IQSEC2: variants seen among roughly 807,000 people sequenced by gnomAD.
IQSEC2 encodes IQ motif and Sec7 domain ArfGEF 2.
A neutral mutation model predicts 74.6 loss-of-function variants in IQSEC2; 6 were observed. The ratio of observed to expected loss-of-function variants is 0.08; its 90% CI spans 0.04 to 0.16. IQSEC2 has a LOEUF of 0.16. IQSEC2 is among the 10% of genes least tolerant of loss of function. The probability of loss-of-function intolerance (pLI) is 1.00; values close to 1 mark genes in which losing one functional copy is unlikely to be tolerated. For synonymous variants in IQSEC2, 494 were observed against 544.5 expected (o/e 0.91, Z 1.29); for missense variants, 734 against 1,306.2 (o/e 0.56, Z 6.75).
At chrX:53,240,814 G>A (rs782341845) in intron 10 of IQSEC2, among the ~76,000 whole-genome samples, 4 of 99,743 alleles carry the variant, frequency 4.0e-5, no homozygotes, top group African/African-American at 1.5e-4. Flanking sequence ...TTCACTTGTC[G>A]CCCAGGCTGG....
chrX:53,256,487 TGCTC>T (rs1209959001), intron 2 of IQSEC2, among the ~76,000 whole-genome samples: 3 of 110,251 alleles, frequency 2.7e-5, no homozygotes, highest in East Asian at 5.8e-4. Context: ...CCCAACGCAG[TGCTC>T]GCTGTGATTT....
chrX:53,234,861 C>T lies in IQSEC2; in HGVS notation c.3825G>A (p.Pro1275=), dbSNP rs1057523277. 46 of 1,150,742 alleles carry T rather than the reference C, an allele frequency of 4.0e-5. No homozygotes were observed. The highest frequency in any genetic ancestry group is 5.0e-5 in the Non-Finnish European group (43 of 864,547). 94.8% of individuals were successfully genotyped at this position (1,150,742 alleles called of 1,213,427 possible). Residue 1275 remains proline, a synonymous_variant, in exon 15 of 15, where the codon CCG becomes CCA. Coordinates refer to ENST00000642864, the MANE Select transcript of IQSEC2 (RefSeq NM_001111125.3). ...QALHAQYCQG[P]GPAPPPYLPP... ...GGAGGTAGGGTGGCGGGGCAGGGCC[C>T]GGTCCTTGGCAATACTGGGCATGCA... is the stretch of plus-strand genomic sequence containing the variant.
At chrX:53,292,099 T>C (rs190989597) in intron 1 of IQSEC2, among the ~76,000 whole-genome samples, 175 bp from the exon 2 acceptor site, 136 of 111,763 alleles carry the variant, frequency 1.2e-3, no homozygotes, top group African/African-American at 4.3e-3. Context: ...CGAGAGACAG[T>C]AGAGTGCCTC....
chrX:53,281,510 G>A lies in IQSEC2; in HGVS notation c.737+10385C>T, dbSNP rs1203913557. On this transcript the variant is annotated intron_variant, in intron 2 of 14. Transcript: ENST00000642864. ...CAGGTTCCTACCTGCTGCTCCTCCC[G>A]GGGGGCTCCATGGGTCTGGACCTGT... is the stretch of plus-strand genomic sequence containing the variant. 42 of 1,142,669 alleles carry A rather than the reference G, an allele frequency of 3.7e-5. No individual in the cohort carries two copies. Among genetic ancestry groups the A allele is most frequent in the Non-Finnish European group, 4.3e-5 (37 of 854,357 alleles). 94.2% of individuals were successfully genotyped at this position (1,142,669 alleles called of 1,213,427 possible).
rs782558010 is a variant in IQSEC2 at position 53,236,417 on chromosome X, G to A, written c.3356C>T (p.Thr1119Met). 3.3e-5 allele frequency: 40 copies of A among 1,203,975 alleles called. No homozygotes were observed. In the South Asian group the frequency reaches 6.3e-4, roughly 19 times the overall value. ...PGGAKDSVNG[T>M]MARSSLEDTY... The stretch of plus-strand genomic sequence containing the variant: ...GTCCTCCAGGCTACTGCGGGCCATC[G>A]TCCCATTCACTGAGTCCTTGGCCCC... The change falls in exon 13 of 15, where the codon ACG becomes ATG. Residue 1119 changes from threonine (T) to methionine (M), a missense_variant. Thr to Met is a moderately conservative substitution (Grantham distance 81). Coordinates refer to ENST00000642864, the MANE Select transcript of IQSEC2 (RefSeq NM_001111125.3).
intron 11 of IQSEC2, among the ~76,000 whole-genome samples, chrX:53,238,615 C>T (rs1231485112): frequency 2.7e-5 from 3 of 109,189 alleles, no homozygotes; most frequent in East Asian, 5.8e-4. Flanking sequence ...TGGGCTCAAG[C>T]GATCCTCTTG....
At position 53,238,299 on chromosome X, in the gene IQSEC2, C is replaced by T; in HGVS notation, c.3123G>A (p.Gln1041=). The T allele has an allele frequency of 8.3e-7, 1 of 1,211,538 alleles. No individual in the cohort carries two copies. Among genetic ancestry groups the T allele is most frequent in the East Asian group, 3.0e-5 (1 of 33,857 alleles). Residue 1041 remains glutamine (Q), a synonymous_variant, in exon 12 of 15, where the codon CAG becomes CAA. Transcript: ENST00000642864. ...CTGCAGACAGCAACTTGATCCCAAA[C>T]TGGTAATCTGTGGAGAAAGGGGAGA... ...HMQLFQNSYY[Q]FGIKLLSAVP...
intron 4 of IQSEC2, among the ~76,000 whole-genome samples, chrX:53,254,325 C>T (rs1333239091): frequency 4.2e-5 from 2 of 47,561 alleles, no homozygotes; most frequent in Non-Finnish European, 7.6e-5. Flanking sequence ...AGCGAAACTC[C>T]GTCTCAAAAA....
At chrX:53,269,700 A>G (rs781829700) in intron 2 of IQSEC2, among the ~76,000 whole-genome samples, 2 of 110,344 alleles carry the variant, frequency 1.8e-5, no homozygotes, top group Non-Finnish European at 3.8e-5. Flanking sequence ...ACCCACTCCA[A>G]TCTGCCTCAT....
intron 13 of IQSEC2, 41 bp from the exon 14 acceptor site, chrX:53,235,873 C>A (rs781789208): frequency 3.5e-5 from 39 of 1,122,707 alleles, no homozygotes; most frequent in South Asian, 3.2e-4. Context: ...GAGCAGCAAC[C>A]CCCCCCCTAC....
intron 1 of IQSEC2, among the ~76,000 whole-genome samples, chrX:53,308,663 G>A (rs181612285): frequency 1.8e-5 from 2 of 111,463 alleles, no homozygotes; most frequent in African/African-American, 3.3e-5. Context: ...GGGAAGGATG[G>A]CACTAATAAC....
Position 53,234,227 on chromosome X carries a change from C to T in IQSEC2, c.4459G>A (p.Val1487Met), listed in dbSNP as rs1064796639. 6 of 1,051,979 alleles carry T rather than the reference C, an allele frequency of 5.7e-6. No homozygotes were observed. Among genetic ancestry groups the T allele is most frequent in the Non-Finnish European group, 1.2e-6 (1 of 802,276 alleles). 86.7% of individuals were successfully genotyped at this position (1,051,979 alleles called of 1,213,427 possible). A position where few individuals can be genotyped will look rare whatever the true frequency, so the allele number is the denominator to read the frequency against. Residue 1487 changes from valine to methionine, a missense_variant, in exon 15 of 15, where the codon GTG (valine) becomes ATG (methionine). By Grantham distance (21) the Val-to-Met change is conservative. Coordinates refer to ENST00000642864, the MANE Select transcript of IQSEC2 (RefSeq NM_001111125.3). ...CTCACTCTCTCCATTCATCAGACCA[C>T]GGTGCTGATCCGGCTTGGCTTGGCC... ...PKAKPSRISTVV is the reference protein window; with the variant it reads ...PKAKPSRISTMV
rs1556862219 is a variant in IQSEC2, at chrX:53,247,146, G to A, written c.2583-11C>T. ...ACACAGTACCGCTGGCTGCAGGGCA[G>A]GAGGGGTCAAAGCCAGACTCAGGAA... On this transcript the variant is annotated splice_polypyrimidine_tract_variant and intron_variant, in intron 7 of 14. Coordinates refer to ENST00000642864, the MANE Select transcript of IQSEC2 (RefSeq NM_001111125.3). 1 of 1,207,562 alleles carries A rather than the reference G, an allele frequency of 8.3e-7. No homozygotes were observed. The highest frequency in any genetic ancestry group is 1.1e-6 in the Non-Finnish European group (1 of 893,309).
intron 2 of IQSEC2, among the ~76,000 whole-genome samples, chrX:53,270,348 T>C (rs1341955238): frequency 9.0e-6 from 1 of 111,426 alleles, no homozygotes; most frequent in African/African-American, 3.3e-5. Context: ...TCACTCCTTC[T>C]TCAGCCTTTT....
intron 8 of IQSEC2, among the ~76,000 whole-genome samples, chrX:53,244,461 G>A (rs1286976881): frequency 3.8e-5 from 4 of 106,288 alleles, no homozygotes; most frequent in African/African-American, 1.0e-4. Context: ...GGGAGGAGGA[G>A]GTTGCAGTGA....
chrX:53,255,786 T>C lies in IQSEC2; in HGVS notation c.999+14A>G, dbSNP rs2074456861. Reference sequence around the variant, plus strand: ...ATCCCGACTCCCATTCCCAACCAGATGCCTCTGTTGCACCTTCTTGTCCTG... The same window carrying C: ...ATCCCGACTCCCATTCCCAACCAGACGCCTCTGTTGCACCTTCTTGTCCTG... On this transcript the variant is annotated intron_variant, in intron 3 of 14. Transcript: ENST00000642864. 1 of 1,211,539 alleles carries C rather than the reference T, an allele frequency of 8.3e-7. No homozygotes were observed. The highest frequency in any genetic ancestry group is 1.1e-6 in the Non-Finnish European group (1 of 895,286).
chrX:53,320,578 G>A lies in IQSEC2; in HGVS notation c.546C>T (p.Arg182=). Residue 182 remains arginine (R), a synonymous_variant, in exon 1 of 15, where the codon CGC becomes CGT. Transcript: ENST00000642864. ...CCGCCGAATAGCCCGCTTCCTTCTC[G>A]CGGCCCGGGTGCGCCGGCCCGGCCT... ...GREAGPAHPG[R]EKEAGYSAAV... is the part of the protein sequence containing the mutation. The A allele has an allele frequency of 1.7e-6, 2 of 1,154,507 alleles. No homozygotes were observed. Among genetic ancestry groups the A allele is most frequent in the Non-Finnish European group, 2.3e-6 (2 of 867,989 alleles).
intron 3 of IQSEC2, among the ~76,000 whole-genome samples, chrX:53,255,171 G>A (rs1211993541): frequency 1.9e-5 from 2 of 106,892 alleles, no homozygotes; most frequent in East Asian, 5.9e-4. Flanking sequence ...TTTGAAAACA[G>A]GAAACAAACA....
intron 1 of IQSEC2, among the ~76,000 whole-genome samples, chrX:53,298,419 C>T (rs1410173206): frequency 8.9e-6 from 1 of 111,827 alleles, no homozygotes; most frequent in Non-Finnish European, 1.9e-5. Flanking sequence ...ATTGAGAACA[C>T]TGCTCCATCA....
Sources: allele counts gnomAD v4.1 joint callset (sites outside exome capture counted in the v4.1 genomes callset), GRCh38; gene constraint gnomAD v4.1.1; transcripts MANE v1.5; gene names NCBI Gene and HGNC (gene_info 2026-07-23, HGNC 2026-07-21).